Variants in DRC1 observed in about 807,000 individuals in gnomAD.
DRC1 encodes dynein regulatory complex subunit 1.
A neutral mutation model predicts 98.7 loss-of-function variants in DRC1; 74 were observed. The ratio of observed to expected loss-of-function variants is 0.75; its 90% CI spans 0.62 to 0.91. The LOEUF (loss-of-function observed/expected upper bound fraction) is 0.91. Among genes scored for constraint, DRC1 ranks in the 40% least tolerant of loss-of-function variants. The pLI, the probability that DRC1 is intolerant of heterozygous loss-of-function variation, is 0.00. For synonymous variants in DRC1, 336 were observed against 334.1 expected (o/e 1.01, Z -0.06); for missense variants, 875 against 886.0 (o/e 0.99, Z 0.16).
chr2:26,435,477 C>T (rs1054811356), intron 7 of DRC1, among the ~76,000 whole-genome samples: 2 of 152,146 alleles, frequency 1.3e-5, no homozygotes, highest in Non-Finnish European at 2.9e-5. Context: ...TATGGGTAAA[C>T]TGCACGTCAT....
chr2:26,424,462 G>A lies in DRC1; in HGVS notation c.540+8G>A. The stretch of plus-strand genomic sequence containing the variant: ...ATCAGCGAGTTACAGCAGGCAAGAG[G>A]CCCGGGCCCTCCAGCCCAGCCACAG... On this transcript the variant is annotated splice_region_variant and intron_variant, in intron 4 of 16. Transcript: ENST00000288710. 2 of 1,599,486 alleles carry A rather than the reference G, an allele frequency of 1.3e-6. No individual in the cohort carries two copies. Among genetic ancestry groups the A allele is most frequent in the Non-Finnish European group, 1.7e-6 (2 of 1,169,754 alleles).
At chr2:26,418,593 A>AT (rs1678907955) in intron 2 of DRC1, among the ~76,000 whole-genome samples, 1 of 97,758 alleles carries the variant, frequency 1.0e-5, no homozygotes, top group South Asian at 2.6e-4. Flanking sequence ...AATTATATAT[A>AT]ATTTATATAA....
intron 8 of DRC1, among the ~76,000 whole-genome samples, chr2:26,441,739 G>A (rs1278913622): frequency 6.6e-6 from 1 of 152,192 alleles, no homozygotes; most frequent in Non-Finnish European, 1.5e-5. Context: ...GCGGGAGGAG[G>A]CGCTTGAGGC....
chr2:26,428,913 G>T (rs965207455), intron 4 of DRC1, among the ~76,000 whole-genome samples: 1 of 152,180 alleles, frequency 6.6e-6, no homozygotes, highest in Admixed American at 6.5e-5. Flanking sequence ...AGCAAATGCT[G>T]TTCCAGAGTT....
intron 3 of DRC1, among the ~76,000 whole-genome samples, chr2:26,423,295 C>A (rs1663197474): frequency 7.1e-6 from 1 of 140,432 alleles, no homozygotes; most frequent in East Asian, 2.5e-4. Flanking sequence ...ATAAAAAAGT[C>A]AATTAAATTA....
intron 6 of DRC1, 33 bp from the exon 7 acceptor site, chr2:26,431,851 C>T (rs1277794013): frequency 6.2e-7 from 1 of 1,611,848 alleles, no homozygotes; most frequent in Non-Finnish European, 8.5e-7. Context: ...AAGGATGGTC[C>T]CTAACTTTTC....
intron 2 of DRC1, among the ~76,000 whole-genome samples, chr2:26,419,604 A>T (rs1201886729): frequency 6.6e-6 from 1 of 152,180 alleles, no homozygotes; most frequent in Non-Finnish European, 1.5e-5. Flanking sequence ...TACATTTCAA[A>T]TTTTTCATAT....
Position 26,444,966 on chromosome 2 carries a change from A to G in DRC1, c.1396+18A>G. 6.2e-7 allele frequency: 1 copy of G among 1,611,902 alleles called. No individual in the cohort carries two copies. Among genetic ancestry groups the G allele is most frequent in the Non-Finnish European group, 8.5e-7 (1 of 1,178,988 alleles). On this transcript the variant is annotated intron_variant, in intron 10 of 16. Coordinates refer to ENST00000288710, the MANE Select transcript of DRC1 (RefSeq NM_145038.5). ...GCGCTCAGGTGACTAGAACACTGTCATAGAGCCTTAGAGCTGGAGGAGCCC... is the reference window on the plus strand; with the variant it reads ...GCGCTCAGGTGACTAGAACACTGTCGTAGAGCCTTAGAGCTGGAGGAGCCC...
intron 9 of DRC1, among the ~76,000 whole-genome samples, 176 bp downstream of exon 9, chr2:26,444,532 C>T (rs952603549): frequency 6.6e-6 from 1 of 152,196 alleles, no homozygotes; most frequent in African/African-American, 2.4e-5. Context: ...GTGTCACCTG[C>T]CTTTTCTTGA....
Position 26,444,218 on chromosome 2 carries a change from C to T in DRC1, c.1029-4C>T. The T allele has an allele frequency of 6.2e-7, 1 of 1,613,990 alleles. No homozygotes were observed. The highest frequency in any genetic ancestry group is 1.7e-5 in the Admixed American group (1 of 59,966). ...GCAGACTAACCTTTTTCTCCTTCAACCAGCCTGCATGATATACTTAACAAT... is the reference window on the plus strand; with the variant it reads ...GCAGACTAACCTTTTTCTCCTTCAATCAGCCTGCATGATATACTTAACAAT... On this transcript the variant is annotated splice_polypyrimidine_tract_variant and splice_region_variant and intron_variant, in intron 8 of 16. Coordinates refer to ENST00000288710, the MANE Select transcript of DRC1 (RefSeq NM_145038.5).
Position 26,448,818 on chromosome 2 carries a change from G to A in DRC1, c.1509+15G>A, listed in dbSNP as rs558819282. 1,070 of 1,612,962 alleles carry A rather than the reference G, an allele frequency of 6.6e-4. 15 individuals are homozygous for A. The South Asian group carries it at 0.011, about 17-fold the overall frequency. The stretch of plus-strand genomic sequence containing the variant: ...GTGACGAGTCGGTGAGGCCAGGCGG[G>A]GGCTGCAGCAGAGGGACTCACGGGG... On this transcript the variant is annotated intron_variant, in intron 11 of 16. Transcript: ENST00000288710.
chr2:26,430,485 G>A (rs1163460144), intron 5 of DRC1: 5 of 517,938 alleles, frequency 9.7e-6, no homozygotes, highest in Non-Finnish European at 1.9e-5. Context: ...ATGGCCTGCC[G>A]TGTGACTGCC....
intron 1 of DRC1, among the ~76,000 whole-genome samples, chr2:26,408,119 A>T (rs983740237): frequency 1.3e-5 from 2 of 151,990 alleles, no homozygotes; most frequent in African/African-American, 4.8e-5. Context: ...GTGGATTCTG[A>T]CTCTTTTTCA....
intron 8 of DRC1, among the ~76,000 whole-genome samples, chr2:26,442,542 C>T (rs1663744750): frequency 6.6e-6 from 1 of 152,224 alleles, no homozygotes; most frequent in Non-Finnish European, 1.5e-5. Flanking sequence ...CTAGAAAATC[C>T]AGGCCTTACC....
At chr2:26,451,877 A>G (rs1001615478) in intron 13 of DRC1, among the ~76,000 whole-genome samples, 1 of 152,238 alleles carries the variant, frequency 6.6e-6, no homozygotes, top group Admixed American at 6.5e-5. Flanking sequence ...AACTCATATC[A>G]TAGTTAAGGC....
intron 4 of DRC1, among the ~76,000 whole-genome samples, chr2:26,426,277 T>C (rs1371858435): frequency 6.6e-6 from 1 of 152,204 alleles, no homozygotes; most frequent in Non-Finnish European, 1.5e-5. Context: ...GGTTTATTTC[T>C]GGGCTCTCTA....
chr2:26,453,629 G>T (rs1410872272), intron 14 of DRC1, 80 bp downstream of exon 14: 3 of 1,374,978 alleles, frequency 2.2e-6, no homozygotes, highest in Admixed American at 4.2e-5. Context: ...CAGAGCCAGT[G>T]AGTGGAGAAG....
chr2:26,445,159 AATTT>A lies in DRC1; in HGVS notation c.1396+216_1396+219del, dbSNP rs370446081. Reference sequence around the variant, plus strand: ...TAGAAGCTTGATCAGATGCAGGTCCAATTTATTTTTGCTAAGTACACTATTGTGT... The same window carrying A: ...TAGAAGCTTGATCAGATGCAGGTCCAATTTTTGCTAAGTACACTATTGTGT... On this transcript the variant is annotated intron_variant, in intron 10 of 16. Coordinates refer to ENST00000288710, the MANE Select transcript of DRC1 (RefSeq NM_145038.5). Among the ~76,000 whole-genome samples, 34 of 152,318 alleles carry A rather than the reference AATTT, an allele frequency of 2.2e-4. No individual in the cohort carries two copies. The South Asian group carries it at 6.8e-3, about 31-fold the overall frequency.
intron 2 of DRC1, among the ~76,000 whole-genome samples, chr2:26,418,679 AATTTATATTAT>A (rs1328518412): frequency 2.3e-5 from 2 of 88,130 alleles, no homozygotes; most frequent in Non-Finnish European, 4.2e-5. Flanking sequence ...AATTAAATAT[AATTTATATTAT>A]ATATAAATTA....
Sources: allele counts gnomAD v4.1 joint callset (sites outside exome capture counted in the v4.1 genomes callset), GRCh38; gene constraint gnomAD v4.1.1; transcripts MANE v1.5; gene names NCBI Gene and HGNC (gene_info 2026-07-23, HGNC 2026-07-21).